IFTAP: variants seen among roughly 807,000 people sequenced by gnomAD.
IFTAP encodes intraflagellar transport-associated protein.
In IFTAP, 19 loss-of-function variants were observed where a neutral mutation model predicts 19.4. The ratio of observed to expected loss-of-function variants is 0.98; its 90% CI spans 0.68 to 1.44. IFTAP has a LOEUF of 1.44. Ranked by LOEUF, IFTAP falls within the 40% of genes most tolerant of loss-of-function variation. IFTAP has a pLI of 0.00. For synonymous variants in IFTAP, 85 were observed against 83.5 expected (o/e 1.02, Z -0.10); for missense variants, 240 against 253.6 (o/e 0.95, Z 0.36).
Position 36,631,107 on chromosome 11 carries a change from A to G in IFTAP, c.137-2177A>G, listed in dbSNP as rs531335022. 2.0e-5 allele frequency among the ~76,000 whole-genome samples: 3 copies of G among 151,574 alleles called. No homozygotes were observed. The South Asian group carries it at 6.2e-4, about 31-fold the overall frequency. On this transcript the variant is annotated intron_variant, in intron 2 of 5. Transcript: ENST00000334307. Reference sequence around the variant, plus strand: ...CTTGTATAGGGCTGGTTACTCCAACATATTCTTAGCAACCCTCCTCACACT... The same window carrying G: ...CTTGTATAGGGCTGGTTACTCCAACGTATTCTTAGCAACCCTCCTCACACT...
chr11:36,604,389 T>C (rs1294309838), intron 1 of IFTAP, among the ~76,000 whole-genome samples: 1 of 152,216 alleles, frequency 6.6e-6, no homozygotes, highest in Non-Finnish European at 1.5e-5. Context: ...GTGCAGCGTA[T>C]ACCTTGATGC....
At chr11:36,625,829 G>A (rs765692824) in intron 2 of IFTAP, among the ~76,000 whole-genome samples, 12 of 152,140 alleles carry the variant, frequency 7.9e-5, no homozygotes, top group Non-Finnish European at 1.5e-4. Flanking sequence ...ATTTTATATA[G>A]TATGATCTGG....
intron 2 of IFTAP, among the ~76,000 whole-genome samples, chr11:36,623,357 C>T (rs1490315558): frequency 9.6e-6 from 1 of 104,124 alleles, no homozygotes; most frequent in Non-Finnish European, 1.9e-5. Context: ...TTGTGATACT[C>T]CCCCCCCCAC....
intron 5 of IFTAP, among the ~76,000 whole-genome samples, chr11:36,648,823 C>T (rs1171406591): frequency 6.6e-6 from 1 of 152,110 alleles, no homozygotes; most frequent in Non-Finnish European, 1.5e-5. Flanking sequence ...GCTCACATTC[C>T]ATTGGTGACC....
At chr11:36,595,861 A>G (rs1326310290) in intron 1 of IFTAP, among the ~76,000 whole-genome samples, 4 of 152,248 alleles carry the variant, frequency 2.6e-5, no homozygotes, top group Non-Finnish European at 5.9e-5. Context: ...GGGCTTTAGG[A>G]TATGGGAATC....
chr11:36,637,068 A>C (rs1208956344), intron 4 of IFTAP, among the ~76,000 whole-genome samples: 1 of 152,144 alleles, frequency 6.6e-6, no homozygotes, highest in Non-Finnish European at 1.5e-5. Context: ...TTAGGTGGTC[A>C]TAAACATGTT....
chr11:36,603,790 T>C (rs1046866540), intron 1 of IFTAP, among the ~76,000 whole-genome samples: 1 of 151,920 alleles, frequency 6.6e-6, no homozygotes, highest in African/African-American at 2.4e-5. Context: ...GGTGTGGTGG[T>C]GTGCGCCTGT....
chr11:36,613,330 A>G (rs544033835), intron 2 of IFTAP, among the ~76,000 whole-genome samples: 3 of 152,180 alleles, frequency 2.0e-5, no homozygotes, highest in East Asian at 3.9e-4. Context: ...CTTGCCTGTC[A>G]TATTGCTATC....
At chr11:36,608,239 G>A (rs928473111) in intron 1 of IFTAP, among the ~76,000 whole-genome samples, 1 of 152,194 alleles carries the variant, frequency 6.6e-6, no homozygotes, top group Non-Finnish European at 1.5e-5. Flanking sequence ...ATTTACCTCT[G>A]ATGGTTGGGA....
chr11:36,653,836 A>G (rs1391311102), intron 5 of IFTAP, among the ~76,000 whole-genome samples: 8 of 152,214 alleles, frequency 5.3e-5, no homozygotes, highest in Non-Finnish European at 1.2e-4. Flanking sequence ...TATAGTAGGC[A>G]TACAGTAAAC....
At chr11:36,618,954 G>A (rs1011456553) in intron 2 of IFTAP, among the ~76,000 whole-genome samples, 3 of 151,916 alleles carry the variant, frequency 2.0e-5, no homozygotes, top group African/African-American at 4.8e-5. Context: ...GACGCTGCCA[G>A]TGAAGGAATG....
Position 36,594,555 on chromosome 11 carries a change from A to C in IFTAP, c.-61A>C. 1 of 247,756 alleles carries C rather than the reference A, an allele frequency of 4.0e-6. No individual in the cohort carries two copies. The highest frequency in any genetic ancestry group is 9.9e-5 in the East Asian group (1 of 10,064). 15.3% of individuals were successfully genotyped at this position (247,756 alleles called of 1,614,324 possible). A position where few individuals can be genotyped will look rare whatever the true frequency, so the allele number is the denominator to read the frequency against. Reference sequence around the variant, plus strand: ...TGTCTTTGTTGCTCTGGGAGAGGGGACTCCTGGAATGTGTCTGTGAATAAA... The same window carrying C: ...TGTCTTTGTTGCTCTGGGAGAGGGGCCTCCTGGAATGTGTCTGTGAATAAA... On this transcript the variant is annotated 5_prime_UTR_variant, in exon 1 of 6. Coordinates refer to ENST00000334307, the MANE Select transcript of IFTAP (RefSeq NM_138787.4).
intron 2 of IFTAP, among the ~76,000 whole-genome samples, chr11:36,616,319 G>T (rs1310178562): frequency 6.6e-6 from 1 of 151,736 alleles, no homozygotes; most frequent in East Asian, 1.9e-4. Context: ...TTCATTCTTA[G>T]TTTTCTTTAT....
intron 2 of IFTAP, among the ~76,000 whole-genome samples, chr11:36,611,866 C>T (rs894436679): frequency 5.3e-5 from 8 of 151,904 alleles, no homozygotes; most frequent in African/African-American, 1.2e-4. Flanking sequence ...CTGCTTTGTT[C>T]GAGACTAATG....
chr11:36,595,630 G>A (rs1851191432), intron 1 of IFTAP, among the ~76,000 whole-genome samples: 1 of 152,204 alleles, frequency 6.6e-6, no homozygotes, highest in Non-Finnish European at 1.5e-5. Flanking sequence ...TAACCTCTGT[G>A]TGCCTCAGTT....
chr11:36,603,620 G>A (rs1043472772), intron 1 of IFTAP, among the ~76,000 whole-genome samples: 4 of 152,068 alleles, frequency 2.6e-5, no homozygotes, highest in African/African-American at 9.7e-5. Context: ...ACAGAGTATT[G>A]TATAGAATAT....
intron 2 of IFTAP, among the ~76,000 whole-genome samples, chr11:36,612,276 AGTT>A (rs1386904732): frequency 2.0e-5 from 3 of 149,038 alleles, no homozygotes; most frequent in Non-Finnish European, 4.5e-5. Context: ...CAAGCACACT[AGTT>A]GTTTTTTTTT....
At chr11:36,644,499 G>A (rs1304781915) in intron 4 of IFTAP, among the ~76,000 whole-genome samples, 1 of 152,132 alleles carries the variant, frequency 6.6e-6, no homozygotes, top group African/African-American at 2.4e-5. Context: ...CCATTACTGG[G>A]TATATACCCA....
intron 4 of IFTAP, among the ~76,000 whole-genome samples, chr11:36,647,479 G>A (rs1260097955): frequency 6.6e-6 from 1 of 152,102 alleles, no homozygotes; most frequent in African/African-American, 2.4e-5. Context: ...GCTGTTCTTT[G>A]CAAGTGTTGA....
Sources: gnomAD v4.1 joint callset for allele counts (sites outside exome capture counted in the v4.1 genomes callset) on GRCh38, gnomAD v4.1.1 for gene constraint, MANE v1.5 for transcripts, NCBI Gene and HGNC (gene_info 2026-07-23, HGNC 2026-07-21) for gene names.